The following TRPA1 variants were observed in gnomAD, a reference collection of about 807,000 sequenced individuals.
The protein encoded by TRPA1 is transient receptor potential cation channel subfamily A member 1.
A neutral mutation model predicts 131.3 loss-of-function variants in TRPA1; 129 were observed. That is an observed-to-expected ratio of 0.98 (90% CI 0.85 to 1.14). The LOEUF (loss-of-function observed/expected upper bound fraction) is 1.14, where lower values mean the gene tolerates loss of function less well. Among genes scored for constraint, TRPA1 ranks in the 50% most tolerant of loss-of-function variants. TRPA1 has a pLI of 0.00. For synonymous variants in TRPA1, 441 were observed against 451.7 expected, an observed-to-expected ratio of 0.98 and a Z score of 0.30; for missense variants, 1,304 against 1,354.2, an observed-to-expected ratio of 0.96 and a Z score of 0.58.
At chr8:72,073,821 T>C (rs1424936453) in intron 1 of TRPA1, among the ~76,000 whole-genome samples, 1 of 152,210 alleles carries the variant, frequency 6.6e-6, no homozygotes, top group East Asian at 1.9e-4. Context: ...ATTCCAGTGG[T>C]TGAAATCTAT....
chr8:72,034,234 T>C lies in TRPA1; in HGVS notation c.2685+14A>G. On this transcript the variant is annotated intron_variant, in intron 22 of 26. Coordinates refer to ENST00000262209, the MANE Select transcript of TRPA1 (RefSeq NM_007332.3). ...TCACAGCGACAAAATCAACTACTGA[T>C]GTAACTGTCTTACCTGTAAATTCAG... 1 of 1,600,064 alleles carries C rather than the reference T, an allele frequency of 6.2e-7. No individual in the cohort carries two copies. The highest frequency in any genetic ancestry group is 8.5e-7 in the Non-Finnish European group (1 of 1,174,514).
At chr8:72,047,644 CAT>C (rs1340374867) in intron 15 of TRPA1, among the ~76,000 whole-genome samples, 2 of 152,196 alleles carry the variant, frequency 1.3e-5, no homozygotes, top group African/African-American at 2.4e-5. Flanking sequence ...AAATTCCACA[CAT>C]GAGTACTTAA....
the TRPA1 span, among the ~76,000 whole-genome samples, chr8:72,080,748 A>C: frequency 6.6e-6 from 1 of 151,766 alleles, no homozygotes; most frequent in Admixed American, 6.6e-5. Flanking sequence ...TTTTGATTTA[A>C]TATTTTTGCT....
chr8:72,089,212 C>T, the TRPA1 span, among the ~76,000 whole-genome samples: 2 of 152,030 alleles, frequency 1.3e-5, no homozygotes, highest in Admixed American at 1.3e-4. Flanking sequence ...TAAAATGTTT[C>T]CGTGATATCT....
At chr8:72,048,514 C>G (rs1315259460) in intron 15 of TRPA1, among the ~76,000 whole-genome samples, 1 of 152,050 alleles carries the variant, frequency 6.6e-6, no homozygotes, top group East Asian at 1.9e-4. Flanking sequence ...AAAGACAAGA[C>G]TAGCCAGTAG....
In TRPA1 at chr8:72,039,023, C is replaced by A. The variant is rs757017078; in HGVS notation, c.2137G>T (p.Ala713Ser). The A allele has an allele frequency of 1.9e-6, 3 of 1,611,998 alleles. No homozygotes were observed. The highest frequency in any genetic ancestry group is 2.5e-6 in the Non-Finnish European group (3 of 1,179,010). Residue 713 changes from alanine (A) to serine (S), a missense_variant, in exon 19 of 27, where the codon GCT becomes TCT. By Grantham distance (99) the Ala-to-Ser change is moderately conservative. Coordinates refer to ENST00000262209, the MANE Select transcript of TRPA1 (RefSeq NM_007332.3). ...CKEYLLMKWL[A>S]YGFRAHMMNL... ...ATCATATGAGCTCTAAATCCATAAG[C>A]CAACCTACAAAAATATAAGCAAACC...
chr8:72,034,159 T>C (rs996401143), intron 22 of TRPA1, 89 bp downstream of exon 22: 16 of 1,284,228 alleles, frequency 1.2e-5, no homozygotes, highest in Admixed American at 2.1e-5. Flanking sequence ...TATGTAATTA[T>C]GCATTTTCTA....
chr8:72,069,531 TCC>T, intron 2 of TRPA1, among the ~76,000 whole-genome samples: 1 of 152,264 alleles, frequency 6.6e-6, no homozygotes, highest in East Asian at 1.9e-4. Flanking sequence ...AAGAACTATG[TCC>T]CAGGCACTCT....
At chr8:72,029,083 G>A (rs1252212501) in intron 24 of TRPA1, among the ~76,000 whole-genome samples, 5 of 152,160 alleles carry the variant, frequency 3.3e-5, no homozygotes, top group Non-Finnish European at 5.9e-5. Flanking sequence ...CACCTCACAA[G>A]ATTCAATAGC....
intron 2 of TRPA1, among the ~76,000 whole-genome samples, chr8:72,069,914 A>G (rs1433743136): frequency 6.6e-6 from 1 of 152,178 alleles, no homozygotes; most frequent in Non-Finnish European, 1.5e-5. Flanking sequence ...TGTAGCAATG[A>G]TTCAAAAAAT....
chr8:72,036,812 C>A (rs184278036), intron 20 of TRPA1, among the ~76,000 whole-genome samples: 2 of 152,176 alleles, frequency 1.3e-5, no homozygotes, highest in South Asian at 4.1e-4. Flanking sequence ...CGTATAACAA[C>A]ATGAATGTGG....
chr8:72,083,967 G>A, the TRPA1 span, among the ~76,000 whole-genome samples: 1 of 151,906 alleles, frequency 6.6e-6, no homozygotes, highest in East Asian at 1.9e-4. Flanking sequence ...TCAGTGAGTC[G>A]AAAGCTGGGT....
intron 8 of TRPA1, 38 bp from the exon 9 acceptor site, chr8:72,057,854 A>G: frequency 6.9e-7 from 1 of 1,438,894 alleles, no homozygotes; most frequent in Non-Finnish European, 9.8e-7. Flanking sequence ...AGAGCTTAGA[A>G]ACAGATAAAT....
intron 18 of TRPA1, 118 bp from the exon 19 acceptor site, chr8:72,039,145 A>T: frequency 1.0e-6 from 1 of 987,722 alleles, no homozygotes. Flanking sequence ...AATTCACTGA[A>T]GCTTAAGATC....
rs138628731 is a variant in TRPA1 at position 72,036,969 on chromosome 8, A to G, written c.2386-512T>C. On this transcript the variant is annotated intron_variant, in intron 20 of 26. Transcript: ENST00000262209. ...TTCCTATAGAGTAGGCCACTTAAAT[A>G]TCAATAAGAAAATGTGGAGATCAAA... 5.8e-3 allele frequency among the ~76,000 whole-genome samples: 879 copies of G among 152,348 alleles called. 12 individuals are homozygous for G. The highest frequency in any genetic ancestry group is 0.019 in the African/African-American group (807 of 41,588).
intron 17 of TRPA1, among the ~76,000 whole-genome samples, chr8:72,043,105 C>G (rs562484276): frequency 6.6e-6 from 1 of 151,910 alleles, no homozygotes; most frequent in African/African-American, 2.4e-5. Context: ...ACAAATTCTC[C>G]TTTAAAATAC....
At chr8:72,074,855 C>T (rs1337698927) in intron 1 of TRPA1, among the ~76,000 whole-genome samples, 1 of 152,188 alleles carries the variant, frequency 6.6e-6, no homozygotes, top group Non-Finnish European at 1.5e-5. Context: ...ATCTGTTTCA[C>T]TCTGTTAGAC....
chr8:72,036,567 G>GAGA (rs755394708), intron 20 of TRPA1, 110 bp from the exon 21 acceptor site: 3 of 1,051,034 alleles, frequency 2.9e-6, no homozygotes, highest in Non-Finnish European at 4.2e-6. Context: ...GCCAGCTGGG[G>GAGA]AGAAGTTTAG....
Position 72,038,866 on chromosome 8 carries a change from G to A in TRPA1, c.2294C>T (p.Thr765Met), listed in dbSNP as rs74545891. 1.6e-4 allele frequency: 250 copies of A among 1,609,032 alleles called. 1 individual carries two copies. The highest frequency in any genetic ancestry group is 6.9e-4 in the Middle Eastern group (4 of 5,776). Residue 765 changes from threonine (T) to methionine (M), a missense_variant and splice_region_variant, in exon 19 of 27, where the codon ACG (threonine) becomes ATG (methionine). Coordinates refer to ENST00000262209, the MANE Select transcript of TRPA1 (RefSeq NM_007332.3). ...TAGAAAGTTAAAATTTGAAATTACC[G>A]TGGTATCTAGTATTTCTGAATGATC... ...TSDHSEILDTTNSYLIKTCMI... is the reference protein window; with the variant it reads ...TSDHSEILDTMNSYLIKTCMI...
Sources: allele counts gnomAD v4.1 joint callset (sites outside exome capture counted in the v4.1 genomes callset), GRCh38; gene constraint gnomAD v4.1.1; transcripts MANE v1.5; gene names NCBI Gene and HGNC (gene_info 2026-07-23, HGNC 2026-07-21).